The following PCDHGA6 variants were observed in gnomAD, a reference collection of about 807,000 sequenced individuals.
The protein encoded by PCDHGA6 is protocadherin gamma-A6.
Under a neutral mutation model 60.6 loss-of-function variants are expected in PCDHGA6, and 41 were observed. That is an observed-to-expected ratio of 0.68 (90% CI 0.53 to 0.88). The LOEUF (loss-of-function observed/expected upper bound fraction) is 0.88. Among genes scored for constraint, PCDHGA6 ranks in the 40% least tolerant of loss-of-function variants. PCDHGA6 has a pLI of 0.00. For synonymous variants in PCDHGA6, 594 were observed against 524.4 expected (o/e 1.13, Z -1.81); for missense variants, 1,312 against 1,203.0 (o/e 1.09, Z -1.34).
chr5:141,486,506 A>C lies in PCDHGA6; in HGVS notation c.2425-8301A>C. The C allele has an allele frequency of 6.2e-7, 1 of 1,614,134 alleles. No individual in the cohort carries two copies. The highest frequency in any genetic ancestry group is 8.5e-7 in the Non-Finnish European group (1 of 1,180,006). Reference sequence around the variant, plus strand: ...TACCCACAGAACTATTTTCCTCAATATTTCAGATGTGAATGATAATCCACC... The same window carrying C: ...TACCCACAGAACTATTTTCCTCAATCTTTCAGATGTGAATGATAATCCACC... On this transcript the variant is annotated intron_variant, in intron 1 of 3. Transcript: ENST00000517434. The surrounding 1 kb of genome is among the most constrained non-coding windows in gnomAD (Gnocchi z 5.0).
chr5:141,430,413 A>G lies in PCDHGA6; in HGVS notation c.2424+53906A>G, dbSNP rs1437560579. ...AAAAAAAAAGCTCACTAAAGTTTCTATTAAAGCGAATACGGTAGATTTCCA... is the reference window on the plus strand; with the variant it reads ...AAAAAAAAAGCTCACTAAAGTTTCTGTTAAAGCGAATACGGTAGATTTCCA... On this transcript the variant is annotated intron_variant, in intron 1 of 3. Coordinates refer to ENST00000517434, the MANE Select transcript of PCDHGA6 (RefSeq NM_018919.3). Among the ~76,000 whole-genome samples the G allele has an allele frequency of 2.0e-5, 3 of 151,870 alleles. No homozygotes were observed. In the South Asian group the frequency reaches 6.2e-4, roughly 31 times the overall value.
rs557973676 is a variant in PCDHGA6, at chr5:141,429,315, T to C, written c.2424+52808T>C. 9.2e-5 allele frequency among the ~76,000 whole-genome samples: 14 copies of C among 152,298 alleles called. No individual in the cohort carries two copies. In the South Asian group the frequency reaches 2.9e-3, roughly 32 times the overall value. ...ACATCAATATTTGAGTATATAAGGC[T>C]TTTTCTTTAATCCATTAACTATAAA... On this transcript the variant is annotated intron_variant, in intron 1 of 3. Transcript: ENST00000517434.
chr5:141,494,316 G>T (rs2099753509), intron 1 of PCDHGA6, among the ~76,000 whole-genome samples: 1 of 152,172 alleles, frequency 6.6e-6, no homozygotes, highest in Admixed American at 6.5e-5. Flanking sequence ...TGCACAACCT[G>T]GCACCAAAAG....
intron 1 of PCDHGA6, chr5:141,427,741 C>T (rs748636652): frequency 8.1e-7 from 1 of 1,240,376 alleles, no homozygotes; most frequent in Non-Finnish European, 1.2e-6. Context: ...GGCCAAGTCT[C>T]CTACTCCATC....
At chr5:141,479,241 G>A (rs2099490987) in intron 1 of PCDHGA6, 1 of 152,174 alleles carries the variant, frequency 6.6e-6, no homozygotes, top group Non-Finnish European at 1.5e-5. Context: ...CAAACCCAAA[G>A]ATAACCATTT....
chr5:141,382,880 G>A, intron 1 of PCDHGA6: 1 of 1,526,962 alleles, frequency 6.5e-7, no homozygotes, highest in Non-Finnish European at 8.8e-7. Context: ...CGGCGCCTAA[G>A]CAAGAGAAGC....
chr5:141,393,016 C>G, intron 1 of PCDHGA6: 1 of 1,613,872 alleles, frequency 6.2e-7, no homozygotes, highest in East Asian at 2.2e-5. Flanking sequence ...CGTATCGTCT[C>G]CAGAGGTAGG....
chr5:141,473,598 T>C (rs959841516), intron 1 of PCDHGA6, among the ~76,000 whole-genome samples: 8 of 152,066 alleles, frequency 5.3e-5, no homozygotes, highest in African/African-American at 1.9e-4. Flanking sequence ...CCTGTAGAAA[T>C]TAGCAAAGCA....
rs1246198657 is a variant in PCDHGA6 at position 141,505,401 on chromosome 5, A to T, written c.2492A>T (p.Asn831Ile). The change falls in exon 3 of 4, where the codon AAT (asparagine) becomes ATT (isoleucine). Residue 831 changes from asparagine (N) to isoleucine (I), a missense_variant. By Grantham distance (149) the Asn-to-Ile change is moderately radical (BLOSUM62 -3). Transcript: ENST00000517434. Reference protein sequence around the residue: ...AQRPGTSGSQNGDDTGTWPNN... With the variant: ...AQRPGTSGSQIGDDTGTWPNN... ...TCCTACTCTCTCCCCAGCTCCCAAA[A>T]TGGCGATGACACCGGCACCTGGCCC... is the stretch of plus-strand genomic sequence containing the variant. The T allele has an allele frequency of 6.2e-7, 1 of 1,614,058 alleles. No individual in the cohort carries two copies. Among genetic ancestry groups the T allele is most frequent in the African/African-American group, 1.3e-5 (1 of 74,922 alleles).
rs1374592449 is a variant in PCDHGA6 at position 141,387,964 on chromosome 5, C to T, written c.2424+11457C>T. ...CTCTTCCTGCTGTCTTTGTTCTGCC[C>T]GGCGCTCTGTGAGCAGATCCGCTAC... On this transcript the variant is annotated intron_variant, in intron 1 of 3. Transcript: ENST00000517434. 1.3e-6 allele frequency: 2 copies of T among 1,493,070 alleles called. No individual in the cohort carries two copies. The highest frequency in any genetic ancestry group is 2.2e-5 in the Admixed American group (1 of 45,422). 92.5% of individuals were successfully genotyped at this position (1,493,070 alleles called of 1,614,324 possible).
rs2099170089 is a variant in PCDHGA6, at chr5:141,468,602, C to T, written c.2425-26205C>T. On this transcript the variant is annotated intron_variant, in intron 1 of 3. Coordinates refer to ENST00000517434, the MANE Select transcript of PCDHGA6 (RefSeq NM_018919.3). ...GTACTAAAGGCTGGGCGCGGTGGCT[C>T]ACGCCTGTAATCCCAGCACTTTGGG... The T allele has an allele frequency of 2.6e-5, 4 of 152,284 alleles. No individual in the cohort carries two copies. The South Asian group carries it at 8.3e-4, about 32-fold the overall frequency. 9.4% of individuals were successfully genotyped at this position (152,284 alleles called of 1,614,324 possible).
At chr5:141,417,854 C>G in intron 1 of PCDHGA6, 2 of 1,543,902 alleles carry the variant, frequency 1.3e-6, no homozygotes, top group Non-Finnish European at 1.8e-6. Flanking sequence ...AGAACCCGAG[C>G]GAACGATGGG....
rs558730748 is a variant in PCDHGA6, at chr5:141,469,995, G to A, written c.2425-24812G>A. Reference sequence around the variant, plus strand: ...AAAATACAAAAATTAGCTGGTCGTCGTGGCACGCCTGTAATCCCAGCTACT... The same window carrying A: ...AAAATACAAAAATTAGCTGGTCGTCATGGCACGCCTGTAATCCCAGCTACT... On this transcript the variant is annotated intron_variant, in intron 1 of 3. Coordinates refer to ENST00000517434, the MANE Select transcript of PCDHGA6 (RefSeq NM_018919.3). Among the ~76,000 whole-genome samples, 8 of 152,194 alleles carry A rather than the reference G, an allele frequency of 5.3e-5. No homozygotes were observed. In the East Asian group the frequency reaches 5.8e-4, roughly 11 times the overall value.
At chr5:141,428,882 T>C in intron 1 of PCDHGA6, 1 of 151,216 alleles carries the variant, frequency 6.6e-6, no homozygotes, top group African/African-American at 2.4e-5. Context: ...TTGGACGGAG[T>C]CTCGCTCTGT....
chr5:141,388,903 A>G (rs910200040), intron 1 of PCDHGA6: 14 of 1,614,010 alleles, frequency 8.7e-6, no homozygotes, highest in Non-Finnish European at 1.2e-5. Flanking sequence ...GATGAAAATG[A>G]CAACGCCCCA....
At chr5:141,488,478 A>T (rs1251914951) in intron 1 of PCDHGA6, among the ~76,000 whole-genome samples, 5 of 152,072 alleles carry the variant, frequency 3.3e-5, no homozygotes, top group African/African-American at 4.8e-5. Flanking sequence ...ATGTTCCCCT[A>T]CCCAAAAACT....
intron 1 of PCDHGA6, chr5:141,394,518 A>C (rs1256235757): frequency 6.2e-7 from 1 of 1,614,094 alleles, no homozygotes; most frequent in Non-Finnish European, 8.5e-7. Flanking sequence ...CGCCCTCCCC[A>C]CAGACGGTTC....
At chr5:141,389,725 T>A in intron 1 of PCDHGA6, 1 of 1,612,726 alleles carries the variant, frequency 6.2e-7, no homozygotes, top group South Asian at 1.1e-5. Flanking sequence ...GAGCCCGGGC[T>A]CTTCAGCCTG....
intron 2 of PCDHGA6, among the ~76,000 whole-genome samples, chr5:141,504,341 CTTTGTGCTAGGT>C (rs963088433): frequency 3.9e-5 from 6 of 152,020 alleles, no homozygotes; most frequent in African/African-American, 1.4e-4. Flanking sequence ...AAGTGCTAGG[CTTTGTGCTAGGT>C]GCTTCAGTAG....
Sources: gnomAD v4.1 joint callset for allele counts (sites outside exome capture counted in the v4.1 genomes callset) on GRCh38, gnomAD v4.1.1 for gene constraint, Gnocchi (gnomAD v3.1) non-coding constraint, MANE v1.5 for transcripts, NCBI Gene and HGNC (gene_info 2026-07-23, HGNC 2026-07-21) for gene names.